Variants in CREB5 observed in about 807,000 individuals in gnomAD.
CREB5 encodes cyclic AMP-responsive element-binding protein 5.
In CREB5, 19 loss-of-function variants were observed where a neutral mutation model predicts 57.1. That is an observed-to-expected ratio of 0.33 (90% confidence interval 0.23 to 0.49). The LOEUF (loss-of-function observed/expected upper bound fraction) is 0.49, where lower values mean the gene tolerates loss of function less well. CREB5 is among the 20% of genes least tolerant of loss of function. The pLI, the probability that CREB5 is intolerant of heterozygous loss-of-function variation, is 0.99. For synonymous variants in CREB5, 238 were observed against 238.3 expected (o/e 1.00, Z 0.01); for missense variants, 579 against 671.6 (o/e 0.86, Z 1.52).
intron 5 of CREB5, among the ~76,000 whole-genome samples, chr7:28,636,476 T>C (rs1193664292): frequency 6.6e-6 from 1 of 152,222 alleles, no homozygotes; most frequent in African/African-American, 2.4e-5. Context: ...AAACACCATA[T>C]ACTGCTCACT....
intron 1 of CREB5, among the ~76,000 whole-genome samples, chr7:28,428,036 A>G (rs926816851): frequency 6.6e-6 from 1 of 152,064 alleles, no homozygotes; most frequent in East Asian, 1.9e-4. Context: ...TTCATGTTTC[A>G]GTTGGAATAG....
intron 1 of CREB5, among the ~76,000 whole-genome samples, chr7:28,476,010 T>C (rs1417077740): frequency 6.6e-6 from 1 of 152,128 alleles, no homozygotes; most frequent in Non-Finnish European, 1.5e-5. Flanking sequence ...ATAACAACTG[T>C]GAGAAGTAGG....
chr7:28,737,583 ATATATT>A (rs1375392001), intron 7 of CREB5, among the ~76,000 whole-genome samples: 9 of 26,388 alleles, frequency 3.4e-4, no homozygotes, highest in East Asian at 2.3e-3. Flanking sequence ...ATATATATAT[ATATATT>A]TTTAACTCCT....
chr7:28,790,445 AG>A (rs1807607214), intron 7 of CREB5, among the ~76,000 whole-genome samples: 1 of 108,446 alleles, frequency 9.2e-6, no homozygotes, highest in Non-Finnish European at 2.0e-5. Flanking sequence ...AGAGAGAGAG[AG>A]AGAGAGAGAG....
chr7:28,415,893 A>T (rs577247072), intron 1 of CREB5, among the ~76,000 whole-genome samples: 63 of 152,334 alleles, frequency 4.1e-4, no homozygotes, highest in African/African-American at 1.4e-3. Flanking sequence ...TCTGTAATAC[A>T]TTATCTTTCC....
At chr7:28,504,993 T>C (rs1792420340) in intron 3 of CREB5, among the ~76,000 whole-genome samples, 1 of 152,194 alleles carries the variant, frequency 6.6e-6, no homozygotes, top group Non-Finnish European at 1.5e-5. Flanking sequence ...TGAGACTACT[T>C]GTGGATCGAT....
chr7:28,542,457 T>C (rs984549234), intron 4 of CREB5, among the ~76,000 whole-genome samples: 1 of 152,224 alleles, frequency 6.6e-6, no homozygotes, highest in Non-Finnish European at 1.5e-5. Context: ...CTGGTTGTTT[T>C]GCACCGTCAC....
At chr7:28,623,049 A>T (rs1459750632) in intron 5 of CREB5, among the ~76,000 whole-genome samples, 1 of 151,864 alleles carries the variant, frequency 6.6e-6, no homozygotes, top group African/African-American at 2.4e-5. Flanking sequence ...TGCCCGGCTA[A>T]TTTTTGTAGT....
chr7:28,712,048 G>A (rs1802421558), intron 5 of CREB5, among the ~76,000 whole-genome samples: 2 of 152,110 alleles, frequency 1.3e-5, no homozygotes, highest in African/African-American at 4.8e-5. Flanking sequence ...GAGAAGACAA[G>A]TAATTTGCCC....
intron 5 of CREB5, among the ~76,000 whole-genome samples, chr7:28,696,378 C>G (rs1801562396): frequency 6.6e-6 from 1 of 152,176 alleles, no homozygotes; most frequent in Non-Finnish European, 1.5e-5. Flanking sequence ...ATGACCCTTT[C>G]TTTTCTCAAA....
At chr7:28,721,387 T>C (rs909812789) in intron 6 of CREB5, among the ~76,000 whole-genome samples, 1 of 152,204 alleles carries the variant, frequency 6.6e-6, no homozygotes, top group African/African-American at 2.4e-5. Flanking sequence ...CTAAAAAGCA[T>C]ATCGTAAGAG....
At chr7:28,532,071 A>G (rs1711803527) in intron 4 of CREB5, among the ~76,000 whole-genome samples, 1 of 152,172 alleles carries the variant, frequency 6.6e-6, no homozygotes, top group South Asian at 2.1e-4. Flanking sequence ...TCAGTGGAAA[A>G]TTATTACTTC....
chr7:28,425,087 G>T (rs1788443997), intron 1 of CREB5, among the ~76,000 whole-genome samples: 1 of 151,988 alleles, frequency 6.6e-6, no homozygotes, highest in Non-Finnish European at 1.5e-5. Flanking sequence ...TTTTGTCACA[G>T]AAAATTTTTA....
intron 1 of CREB5, among the ~76,000 whole-genome samples, chr7:28,385,327 T>C (rs1437811685): frequency 6.6e-6 from 1 of 152,152 alleles, no homozygotes; most frequent in Non-Finnish European, 1.5e-5. Context: ...TCTACACATA[T>C]GGGTCTTCTG....
intron 1 of CREB5, among the ~76,000 whole-genome samples, chr7:28,322,375 C>T (rs1785508926): frequency 6.6e-6 from 1 of 152,082 alleles, no homozygotes; most frequent in Non-Finnish European, 1.5e-5. Flanking sequence ...GTCCATTTAG[C>T]AAGCTGAGAT....
At chr7:28,658,060 C>T (rs1270652089) in intron 5 of CREB5, among the ~76,000 whole-genome samples, 1 of 152,160 alleles carries the variant, frequency 6.6e-6, no homozygotes, top group African/African-American at 2.4e-5. Context: ...TGACCATGAG[C>T]ATCGTTTATT....
At chr7:28,587,108 T>A (rs1796332333) in intron 5 of CREB5, among the ~76,000 whole-genome samples, 1 of 152,266 alleles carries the variant, frequency 6.6e-6, no homozygotes, top group African/African-American at 2.4e-5. Context: ...AAATCATTCA[T>A]GTATTTATCT....
intron 1 of CREB5, among the ~76,000 whole-genome samples, chr7:28,319,373 A>C (rs1785446069): frequency 6.6e-6 from 1 of 152,120 alleles, no homozygotes; most frequent in Non-Finnish European, 1.5e-5. Flanking sequence ...AAGTTGGAGT[A>C]TTTTTACCCC....
chr7:28,709,223 G>T (rs772727874), intron 5 of CREB5, among the ~76,000 whole-genome samples: 1 of 152,124 alleles, frequency 6.6e-6, no homozygotes, highest in Non-Finnish European at 1.5e-5. Context: ...CTGTAAGTCT[G>T]ACCTATGGGT....
Sources: gnomAD v4.1 joint callset for allele counts (sites outside exome capture counted in the v4.1 genomes callset) on GRCh38, gnomAD v4.1.1 for gene constraint, MANE v1.5 for transcripts, NCBI Gene and HGNC (gene_info 2026-07-23, HGNC 2026-07-21) for gene names.